Variants in CASC3 observed in about 807,000 individuals in gnomAD.
The protein encoded by CASC3 is CASC3 exon junction complex subunit, also known as protein CASC3.
CASC3 carries 30 observed loss-of-function variants against 80.5 expected under a neutral mutation model. The observed-to-expected ratio is 0.37, with a 90% CI of 0.28 to 0.51. The LOEUF is 0.51. Ranked by LOEUF, CASC3 falls within the 20% of genes least tolerant of loss-of-function variation. The pLI, the probability that CASC3 is intolerant of heterozygous loss-of-function variation, is 0.94. For missense variants in CASC3, 824 were observed against 922.2 expected (o/e 0.89, Z 1.38); for synonymous variants, 312 against 333.6 (o/e 0.94, Z 0.70).
At chr17:40,144,681 A>T (rs547132508) in intron 3 of CASC3, among the ~76,000 whole-genome samples, 7,833 of 117,552 alleles carry the variant, frequency 0.067, 547 homozygotes, top group African/African-American at 0.22. Context: ...TTTTTTTTTT[A>T]AAAAAGAGGC....
Position 40,150,531 on chromosome 17 carries a change from G to A in CASC3, c.297+8924G>A, listed in dbSNP as rs148800021. On this transcript the variant is annotated intron_variant, in intron 3 of 13. Coordinates refer to ENST00000264645, the MANE Select transcript of CASC3 (RefSeq NM_007359.5). ...ATCCAGTTCCAGGCATATGGGAGTGGCAAGAGAAATGGGATGTTACTAGTA... is the reference window on the plus strand; with the variant it reads ...ATCCAGTTCCAGGCATATGGGAGTGACAAGAGAAATGGGATGTTACTAGTA... Among the ~76,000 whole-genome samples the A allele has an allele frequency of 3.8e-3, 576 of 152,052 alleles. 3 individuals are homozygous for A. The highest frequency in any genetic ancestry group is 0.012 in the African/African-American group (491 of 41,478).
chr17:40,157,342 C>CAAAT (rs748174698), intron 3 of CASC3, among the ~76,000 whole-genome samples: 3,346 of 146,016 alleles, frequency 0.023, 62 homozygotes, highest in Non-Finnish European at 0.033. Context: ...GACTCCGTCT[C>CAAAT]AAATAAATAA....
Position 40,164,162 on chromosome 17 carries a change from T to G in CASC3, c.1467T>G (p.Leu489=), listed in dbSNP as rs778217922. ...GQPSFLQPRE[L]RGMPNHIHMG... ...CTTCTTTCCTGCAACCACGGGAACT[T>G]CGAGGTAGGTATCATAGGATTGGTG... The change falls in exon 7 of 14, where the codon CTT becomes CTG. Residue 489 remains leucine, a synonymous_variant. Coordinates refer to ENST00000264645, the MANE Select transcript of CASC3 (RefSeq NM_007359.5). The G allele has an allele frequency of 6.3e-7, 1 of 1,599,568 alleles. No homozygotes were observed. Among genetic ancestry groups the G allele is most frequent in the Non-Finnish European group, 8.5e-7 (1 of 1,175,174 alleles).
intron 9 of CASC3, 112 bp from the exon 10 acceptor site, chr17:40,167,738 T>G (rs1405803362): frequency 3.6e-5 from 46 of 1,266,794 alleles, no homozygotes; most frequent in Non-Finnish European, 5.0e-5. Flanking sequence ...GTCTGGTTGC[T>G]GTTTTCTTCG....
intron 11 of CASC3, 195 bp from the exon 12 acceptor site, chr17:40,169,129 A>G: frequency 1.7e-6 from 1 of 572,550 alleles, no homozygotes. Context: ...ACTTTGAAGA[A>G]ATAAAAACCA....
chr17:40,144,114 G>T (rs901690890), intron 3 of CASC3, among the ~76,000 whole-genome samples: 3 of 150,010 alleles, frequency 2.0e-5, no homozygotes, highest in Admixed American at 1.3e-4. Flanking sequence ...GAAAAATTAA[G>T]TAGGCGTGGT....
intron 2 of CASC3, 137 bp from the exon 3 acceptor site, chr17:40,141,433 T>C: frequency 1.2e-6 from 1 of 859,002 alleles, no homozygotes. Flanking sequence ...TTTCTCCTTT[T>C]GTAAGTGGGG....
chr17:40,143,703 C>T (rs1286705744), intron 3 of CASC3, among the ~76,000 whole-genome samples: 1 of 149,180 alleles, frequency 6.7e-6, no homozygotes, highest in African/African-American at 2.5e-5. Flanking sequence ...GCTTGCACGC[C>T]CCTGTAGTCC....
chr17:40,164,239 C>T (rs1989387146), intron 7 of CASC3, 73 bp downstream of exon 7: 2 of 1,176,284 alleles, frequency 1.7e-6, no homozygotes, highest in Admixed American at 2.7e-5. Context: ...GGACTTCTGT[C>T]TCAGGAAGGT....
Position 40,163,817 on chromosome 17 carries a change from T to C in CASC3, c.1122T>C (p.Pro374=). The C allele has an allele frequency of 6.2e-7, 1 of 1,614,174 alleles. No individual in the cohort carries two copies. Among genetic ancestry groups the C allele is most frequent in the Non-Finnish European group, 8.5e-7 (1 of 1,180,030 alleles). ...CAGATGCTCCAGTGCTTGGCAGTCCTGAGAAGGAAGAGGCAGCCTCAGAGC... is the reference window on the plus strand; with the variant it reads ...CAGATGCTCCAGTGCTTGGCAGTCCCGAGAAGGAAGAGGCAGCCTCAGAGC... The part of the protein sequence containing the change: ...PEADAPVLGS[P]EKEEAASEPP... Residue 374 remains proline, a synonymous_variant, in exon 7 of 14, where the codon CCT becomes CCC. Coordinates refer to ENST00000264645, the MANE Select transcript of CASC3 (RefSeq NM_007359.5).
Position 40,167,722 on chromosome 17 carries a change from A to G in CASC3, c.1651+110A>G, listed in dbSNP as rs539324679. 27 of 1,244,858 alleles carry G rather than the reference A, an allele frequency of 2.2e-5. No individual in the cohort carries two copies. In the Admixed American group the frequency reaches 2.7e-4, roughly 12 times the overall value. The allele number at this position is 1,244,858 out of a possible 1,614,324, so 77.1% of individuals were successfully genotyped here. A position where few individuals can be genotyped will look rare whatever the true frequency, so the allele number is the denominator to read the frequency against. The stretch of plus-strand genomic sequence containing the variant: ...TTCTGACCTCTTATAGTGGTTATCA[A>G]ACATTGTCTGGTTGCTGTTTTCTTC... On this transcript the variant is annotated intron_variant, in intron 9 of 13. Transcript: ENST00000264645.
intron 7 of CASC3, among the ~76,000 whole-genome samples, chr17:40,165,361 GC>G (rs1490288368): frequency 6.6e-6 from 1 of 152,104 alleles, no homozygotes; most frequent in Non-Finnish European, 1.5e-5. Flanking sequence ...CACTGTGCCA[GC>G]CCCAGCTAAT....
At position 40,140,768 on chromosome 17, in the gene CASC3, G is replaced by C. The variant is rs543731181; in HGVS notation, c.220G>C (p.Glu74Gln). ...VESGGAKSAE[E>Q]SECESEDGIE... is the part of the protein sequence containing the mutation. ...GAGCGGGGGCGCCAAGAGTGCTGAG[G>C]AGTCGGAGTGTGTGAGTGCGCGCAG... Residue 74 changes from glutamate to glutamine, a missense_variant, in exon 1 of 14, where the codon GAG (glutamate) becomes CAG (glutamine). Physicochemically the swap from Glu to Gln is conservative, Grantham distance 29 (BLOSUM62 2). Coordinates refer to ENST00000264645, the MANE Select transcript of CASC3 (RefSeq NM_007359.5). 3.3e-5 allele frequency: 46 copies of C among 1,403,270 alleles called. No homozygotes were observed. The highest frequency in any genetic ancestry group is 1.2e-4 in the African/African-American group (8 of 67,388). 86.9% of individuals were successfully genotyped at this position (1,403,270 alleles called of 1,614,324 possible).
At chr17:40,169,127 G>C (rs1016855982) in intron 11 of CASC3, 197 bp from the exon 12 acceptor site, 1 of 564,184 alleles carries the variant, frequency 1.8e-6, no homozygotes, top group East Asian at 3.3e-5. Flanking sequence ...GTACTTTGAA[G>C]AAATAAAAAC....
intron 3 of CASC3, among the ~76,000 whole-genome samples, chr17:40,160,782 G>C (rs1271617278): frequency 1.3e-5 from 2 of 152,012 alleles, no homozygotes; most frequent in Non-Finnish European, 2.9e-5. Flanking sequence ...TGTTGGCCAG[G>C]CTGGTCTCGA....
chr17:40,156,509 A>AC (rs1383430673), intron 3 of CASC3, among the ~76,000 whole-genome samples: 2 of 151,710 alleles, frequency 1.3e-5, no homozygotes, highest in Non-Finnish European at 2.9e-5. Flanking sequence ...ACACGATGAA[A>AC]CCCCGTCTCT....
At chr17:40,152,473 C>T (rs1989036332) in intron 3 of CASC3, among the ~76,000 whole-genome samples, 1 of 151,936 alleles carries the variant, frequency 6.6e-6, no homozygotes, top group Admixed American at 6.6e-5. Flanking sequence ...AGTCATGCGC[C>T]ACCAAGCCCA....
chr17:40,143,421 G>A (rs772021027), intron 3 of CASC3, among the ~76,000 whole-genome samples: 17 of 152,134 alleles, frequency 1.1e-4, no homozygotes, highest in Non-Finnish European at 2.4e-4. Flanking sequence ...ACTCCAGCCT[G>A]GGCAACAGAG....
At chr17:40,158,166 G>T (rs920342069) in intron 3 of CASC3, among the ~76,000 whole-genome samples, 5 of 152,176 alleles carry the variant, frequency 3.3e-5, no homozygotes, top group Non-Finnish European at 7.3e-5. Flanking sequence ...GGATTAATTG[G>T]CTTGTCTGGG....
Sources: gnomAD v4.1 joint callset for allele counts (sites outside exome capture counted in the v4.1 genomes callset) on GRCh38, gnomAD v4.1.1 for gene constraint, MANE v1.5 for transcripts, NCBI Gene and HGNC (gene_info 2026-07-23, HGNC 2026-07-21) for gene names.